MAPK3: variants seen among roughly 807,000 people sequenced by gnomAD.
The protein encoded by MAPK3 is mitogen-activated protein kinase 3, also known as MAPK 1.
In MAPK3, 30 loss-of-function variants were observed where a neutral mutation model predicts 41.8. The ratio of observed to expected loss-of-function variants is 0.72; its 90% CI spans 0.54 to 0.97. The LOEUF (loss-of-function observed/expected upper bound fraction) is 0.97. Ranked by LOEUF, MAPK3 falls within the 50% of genes least tolerant of loss-of-function variation. The pLI, the probability that MAPK3 is intolerant of heterozygous loss-of-function variation, is 0.00. For synonymous variants in MAPK3, 222 were observed against 213.4 expected, an observed-to-expected ratio of 1.04 and a Z score of -0.35; for missense variants, 413 against 509.9, an observed-to-expected ratio of 0.81 and a Z score of 1.83.
chr16:30,118,789 C>T (rs564306680), intron 2 of MAPK3, among the ~76,000 whole-genome samples: 31 of 152,160 alleles, frequency 2.0e-4, no homozygotes, highest in African/African-American at 6.7e-4. Flanking sequence ...AGTTTCCCTA[C>T]CGGGGAAACG....
intron 2 of MAPK3, 101 bp downstream of exon 2, chr16:30,121,723 T>C: frequency 8.1e-7 from 1 of 1,236,784 alleles, no homozygotes; most frequent in Non-Finnish European, 1.1e-6. Context: ...GGGTTTGTTT[T>C]GGAGGGTGGT....
At chr16:30,122,957 C>G (rs1458947381) in intron 1 of MAPK3, 83 bp downstream of exon 1, 3 of 1,237,258 alleles carry the variant, frequency 2.4e-6, no homozygotes, top group East Asian at 3.2e-5. Context: ...CTCCACGTCC[C>G]GGAAAGCGCT....
intron 8 of MAPK3, among the ~76,000 whole-genome samples, chr16:30,115,417 C>T (rs1408348951): frequency 2.0e-5 from 3 of 152,090 alleles, no homozygotes; most frequent in South Asian, 2.1e-4. Flanking sequence ...AAGGAGGCAG[C>T]GTGGGTGGGG....
chr16:30,122,313 G>A (rs1385770490), intron 1 of MAPK3: 5 of 443,842 alleles, frequency 1.1e-5, no homozygotes, highest in African/African-American at 1.0e-4. Flanking sequence ...CCCAGGAAAG[G>A]CTCCTTAACC....
intron 2 of MAPK3, among the ~76,000 whole-genome samples, chr16:30,120,277 G>A (rs952301637): frequency 1.3e-5 from 2 of 152,194 alleles, no homozygotes. Context: ...CCAGCGAGAC[G>A]CAGTGACTTG....
chr16:30,120,129 A>C (rs1462541368), intron 2 of MAPK3, among the ~76,000 whole-genome samples: 2 of 152,242 alleles, frequency 1.3e-5, no homozygotes, highest in Admixed American at 1.3e-4. Flanking sequence ...AGATTGAGCC[A>C]CTGCACTCTA....
At position 30,123,132 on chromosome 16, in the gene MAPK3, C is replaced by A. The variant is rs573393991; in HGVS notation, c.78G>T (p.Gly26=). 6.5e-7 allele frequency: 1 copy of A among 1,549,556 alleles called. No homozygotes were observed. The highest frequency in any genetic ancestry group is 1.2e-5 in the South Asian group (1 of 84,614). The change falls in exon 1 of 9, where the codon GGG becomes GGT. Residue 26 remains glycine, a synonymous_variant. Coordinates refer to ENST00000263025, the MANE Select transcript of MAPK3 (RefSeq NM_002746.3). ...GCTGCCCCTTCACCATCTCCACCTC[C>A]CCCGGGACCCCCGGGCCGACCCCCT... The part of the protein sequence containing the change: ...RTEGVGPGVP[G]EVEMVKGQPF...
At chr16:30,122,987 C>G (rs2073032141) in intron 1 of MAPK3, 53 bp downstream of exon 1, 1 of 1,378,002 alleles carries the variant, frequency 7.3e-7, no homozygotes, top group African/African-American at 1.5e-5. Context: ...CTCCTCCTCT[C>G]CCGCGAAGCC....
At position 30,121,923 on chromosome 16, in the gene MAPK3, G is replaced by T. The variant is rs1375850297; in HGVS notation, c.254C>A (p.Thr85Lys). ...PFEHQTYCQR[T>K]LREIQILLRF... The stretch of plus-strand genomic sequence containing the variant: ...CAGCAGGATCTGGATCTCCCGGAGC[G>T]TGCGCTGGCAGTAGGTCTGATGTTC... The change falls in exon 2 of 9, where the codon ACG (threonine) becomes AAG (lysine). Residue 85 changes from threonine (T) to lysine (K), a missense_variant. By Grantham distance (78) the Thr-to-Lys change is moderately conservative. Around this residue, in one of 4 missense-constraint regions of MAPK3, gnomAD observed 145 missense variants for 133.0 expected, o/e 1.09. Transcript: ENST00000263025. The T allele has an allele frequency of 6.2e-7, 1 of 1,614,158 alleles. No individual in the cohort carries two copies. Among genetic ancestry groups the T allele is most frequent in the Non-Finnish European group, 8.5e-7 (1 of 1,180,026 alleles).
rs772718263 is a variant in MAPK3, at chr16:30,118,166, G to A, written c.544-3C>T. On this transcript the variant is annotated splice_region_variant and splice_polypyrimidine_tract_variant and intron_variant, in intron 3 of 8. Coordinates refer to ENST00000263025, the MANE Select transcript of MAPK3 (RefSeq NM_002746.3). ...CGGGCCAGGCCGAAATCACAAATCT[G>A]GAATCAGACCTAGCTGCTAAGCTCG... 1.8e-5 allele frequency: 29 copies of A among 1,613,346 alleles called. No individual in the cohort carries two copies. The highest frequency in any genetic ancestry group is 2.4e-5 in the Non-Finnish European group (28 of 1,179,656).
chr16:30,118,436 C>G lies in MAPK3; in HGVS notation c.456G>C (p.Arg152=). ...TGGCGGAGTGGATGTACTTGAGGCC[C>G]CGCAGGATCTGGTAGAGGAAGTAGC... ...HICYFLYQIL[R]GLKYIHSANV... The change falls in exon 3 of 9, where the codon CGG becomes CGC. Residue 152 remains arginine (R), a synonymous_variant. Coordinates refer to ENST00000263025, the MANE Select transcript of MAPK3 (RefSeq NM_002746.3). 1 of 1,613,872 alleles carries G rather than the reference C, an allele frequency of 6.2e-7. No individual in the cohort carries two copies. Among genetic ancestry groups the G allele is most frequent in the Non-Finnish European group, 8.5e-7 (1 of 1,179,982 alleles).
intron 4 of MAPK3, 64 bp downstream of exon 4, chr16:30,117,983 G>T: frequency 6.9e-7 from 1 of 1,443,090 alleles, no homozygotes; most frequent in Non-Finnish European, 9.7e-7. Context: ...GTCTGGCTCA[G>T]AGGTAGCTCC....
At chr16:30,122,945 G>T in intron 1 of MAPK3, 95 bp downstream of exon 1, 1 of 1,130,186 alleles carries the variant, frequency 8.8e-7, no homozygotes, top group Non-Finnish European at 1.2e-6. Flanking sequence ...GACGCTCCGC[G>T]TCTCCACGTC....
Position 30,121,996 on chromosome 16 carries a change from C to A in MAPK3, c.181G>T (p.Asp61Tyr). 6.2e-7 allele frequency: 1 copy of A among 1,614,028 alleles called. No homozygotes were observed. Among genetic ancestry groups the A allele is most frequent in the South Asian group, 1.1e-5 (1 of 91,054 alleles). The change falls in exon 2 of 9, where the codon GAC becomes TAC. Residue 61 changes from aspartate to tyrosine, a missense_variant. Asp to Tyr is a radical substitution (Grantham distance 160). Around this residue, in one of 4 missense-constraint regions of MAPK3, gnomAD observed 145 missense variants for 133.0 expected, o/e 1.09. Coordinates refer to ENST00000263025, the MANE Select transcript of MAPK3 (RefSeq NM_002746.3). Reference sequence around the variant, plus strand: ...GCCACGCGAGTCTTGCGCACGTGGTCATAGGCCGAGCTGAGGGGACCGGAG... The same window carrying A: ...GCCACGCGAGTCTTGCGCACGTGGTAATAGGCCGAGCTGAGGGGACCGGAG... ...GAYGMVSSAY[D>Y]HVRKTRVAIK...
rs779993646 is a variant in MAPK3, at chr16:30,117,107, C to G, written c.907+47G>C. ...GCGGCTGCTGGGCTCACACACCCTC[C>G]ACGACACCCAAGGTTTATCCCACAC... On this transcript the variant is annotated intron_variant, in intron 6 of 8. Coordinates refer to ENST00000263025, the MANE Select transcript of MAPK3 (RefSeq NM_002746.3). The G allele has an allele frequency of 2.0e-5, 33 of 1,611,252 alleles. No homozygotes were observed. In the East Asian group the frequency reaches 7.4e-4, roughly 36 times the overall value.
intron 4 of MAPK3, 116 bp downstream of exon 4, chr16:30,117,931 C>G: frequency 1.8e-6 from 2 of 1,134,048 alleles, no homozygotes; most frequent in South Asian, 1.3e-5. Context: ...CTTGCAGAGC[C>G]CAAGGCCCAG....
At chr16:30,117,898 T>C (rs2072974541) in intron 4 of MAPK3, 114 bp from the exon 5 acceptor site, 1 of 1,089,894 alleles carries the variant, frequency 9.2e-7, no homozygotes, top group Non-Finnish European at 1.4e-6. Context: ...GGCAGAGGCC[T>C]GGAGGGCTCA....
chr16:30,116,767 G>C lies in MAPK3; in HGVS notation c.1041C>G (p.Thr347=). 11 of 1,613,948 alleles carry C rather than the reference G, an allele frequency of 6.8e-6. No homozygotes were observed. Among genetic ancestry groups the C allele is most frequent in the South Asian group, 1.1e-5 (1 of 91,082 alleles). ...GTAGGTCATCCAGCTCCATGGCGAA[G>C]GTGAAGGGCTCCTCGGCCACTGGCT... ...TDEPVAEEPF[T]FAMELDDLPK... is the part of the protein sequence containing the mutation. The change falls in exon 8 of 9, where the codon ACC becomes ACG. Residue 347 remains threonine (T), a synonymous_variant. Transcript: ENST00000263025.
In MAPK3 at chr16:30,123,150, G is replaced by A. The variant is rs1193356465; in HGVS notation, c.60C>T (p.Val20=). The A allele has an allele frequency of 1.3e-5, 20 of 1,506,006 alleles. No homozygotes were observed. Among genetic ancestry groups the A allele is most frequent in the Non-Finnish European group, 1.6e-5 (18 of 1,119,602 alleles). 93.3% of individuals were successfully genotyped at this position (1,506,006 alleles called of 1,614,324 possible). Reference sequence around the variant, plus strand: ...CCACCTCCCCCGGGACCCCCGGGCCGACCCCCTCGGTTCTACGGGGCTCCC... The same window carrying A: ...CCACCTCCCCCGGGACCCCCGGGCCAACCCCCTCGGTTCTACGGGGCTCCC... ...GGGEPRRTEG[V]GPGVPGEVEM... Residue 20 remains valine (V), a synonymous_variant, in exon 1 of 9, where the codon GTC becomes GTT. Transcript: ENST00000263025.
Sources: gnomAD v4.1 joint callset for allele counts (sites outside exome capture counted in the v4.1 genomes callset) on GRCh38, gnomAD v4.1.1 for gene constraint, gnomAD v4.1.1 regional missense constraint, MANE v1.5 for transcripts, NCBI Gene and HGNC (gene_info 2026-07-23, HGNC 2026-07-21) for gene names.